SRGAP3: variants seen among roughly 807,000 people sequenced by gnomAD.
SRGAP3 encodes SLIT-ROBO Rho GTPase activating protein 3, also known as SLIT-ROBO Rho GTPase-activating protein 3.
SRGAP3 carries 39 observed loss-of-function variants against 121.1 expected under a neutral mutation model. The ratio of observed to expected loss-of-function variants is 0.32; its 90% confidence interval spans 0.25 to 0.42. The LOEUF (loss-of-function observed/expected upper bound fraction) is 0.42, where lower values mean the gene tolerates loss of function less well. Among genes scored for constraint, SRGAP3 ranks in the 10% least tolerant of loss-of-function variants. The probability of loss-of-function intolerance (pLI) is 1.00; values close to 1 mark genes in which losing one functional copy is unlikely to be tolerated. For synonymous variants in SRGAP3, 601 were observed against 570.0 expected, an observed-to-expected ratio of 1.05 and a Z score of -0.77; for missense variants, 1,213 against 1,470.6, an observed-to-expected ratio of 0.82 and a Z score of 2.86.
chr3:9,029,854 T>G (rs887051697), intron 12 of SRGAP3, among the ~76,000 whole-genome samples: 1 of 151,878 alleles, frequency 6.6e-6, no homozygotes, highest in Non-Finnish European at 1.5e-5. Flanking sequence ...AGCAACGCAA[T>G]AGTAAGGCCA....
At chr3:9,151,877 G>A (rs779918448) in intron 1 of SRGAP3, among the ~76,000 whole-genome samples, 30 of 152,188 alleles carry the variant, frequency 2.0e-4, no homozygotes, top group Non-Finnish European at 3.5e-4. Flanking sequence ...AGCAGGCAAC[G>A]GGAATCCAGT....
At chr3:9,001,582 T>A (rs76488944) in intron 18 of SRGAP3, among the ~76,000 whole-genome samples, 28 of 151,988 alleles carry the variant, frequency 1.8e-4, no homozygotes, top group African/African-American at 6.8e-4. Context: ...AATCCAACTA[T>A]ATAAGTGGTA....
chr3:9,324,280 A>G (rs1158636900), intron 3 of SRGAP3, among the ~76,000 whole-genome samples: 4 of 151,950 alleles, frequency 2.6e-5, no homozygotes, highest in African/African-American at 9.7e-5. Flanking sequence ...CTAAGGCCAC[A>G]TTTAGTTTGC....
chr3:9,078,221 G>A (rs1947064918), intron 4 of SRGAP3, among the ~76,000 whole-genome samples: 1 of 152,126 alleles, frequency 6.6e-6, no homozygotes, highest in South Asian at 2.1e-4. Context: ...GAGGAGCCCC[G>A]CTGGAGGTCA....
intron 3 of SRGAP3, among the ~76,000 whole-genome samples, chr3:9,087,905 T>C (rs1393631800): frequency 1.3e-5 from 2 of 152,110 alleles, no homozygotes; most frequent in Non-Finnish European, 2.9e-5. Context: ...AGCCCAGGCC[T>C]CTCTGCTCAC....
At chr3:9,199,117 T>C (rs1951995186) in intron 1 of SRGAP3, among the ~76,000 whole-genome samples, 1 of 152,206 alleles carries the variant, frequency 6.6e-6, no homozygotes. Flanking sequence ...ACCTCTCAGC[T>C]GCTAAAAGCC....
chr3:9,279,636 C>A (rs537035711), intron 3 of SRGAP3, among the ~76,000 whole-genome samples: 143 of 151,720 alleles, frequency 9.4e-4, no homozygotes, highest in African/African-American at 3.2e-3. Flanking sequence ...GCCTCAGCCT[C>A]CCGAGTACCT....
intron 1 of SRGAP3, among the ~76,000 whole-genome samples, chr3:9,362,141 G>A (rs1399574635): frequency 3.3e-5 from 5 of 149,338 alleles, no homozygotes; most frequent in African/African-American, 9.9e-5. Flanking sequence ...CTGTCAAAAT[G>A]GCTACCATGC....
At chr3:9,344,429 T>C (rs548115120) in intron 1 of SRGAP3, among the ~76,000 whole-genome samples, 1 of 152,216 alleles carries the variant, frequency 6.6e-6, no homozygotes, top group African/African-American at 2.4e-5. Flanking sequence ...GACTCTAGCC[T>C]GGGCAACAGA....
chr3:9,022,170 T>C (rs1943956062), intron 14 of SRGAP3, among the ~76,000 whole-genome samples: 1 of 151,864 alleles, frequency 6.6e-6, no homozygotes, highest in Admixed American at 6.6e-5. Flanking sequence ...CTACCAAAAA[T>C]GTAAAAAATT....
intron 5 of SRGAP3, among the ~76,000 whole-genome samples, chr3:9,062,958 A>G (rs559956532): frequency 5.9e-5 from 9 of 152,274 alleles, no homozygotes; most frequent in African/African-American, 2.2e-4. Flanking sequence ...AAGTGATAGA[A>G]TCACTGTACA....
chr3:9,336,987 C>G (rs1200043548), intron 1 of SRGAP3, among the ~76,000 whole-genome samples: 1 of 152,142 alleles, frequency 6.6e-6, no homozygotes, highest in South Asian at 2.1e-4. Flanking sequence ...CCACCTTTCA[C>G]TCCCAAGGTG....
At chr3:9,091,498 C>A (rs1168744087) in intron 3 of SRGAP3, among the ~76,000 whole-genome samples, 1 of 152,154 alleles carries the variant, frequency 6.6e-6, no homozygotes, top group African/African-American at 2.4e-5. Flanking sequence ...AAACTTGAGA[C>A]CCACAGATGT....
chr3:9,080,971 G>A (rs1947217108), intron 3 of SRGAP3, among the ~76,000 whole-genome samples: 1 of 152,078 alleles, frequency 6.6e-6, no homozygotes, highest in South Asian at 2.1e-4. Flanking sequence ...TAAATATAAT[G>A]TGCTTCAATC....
At chr3:8,989,207 G>A (rs1448540371) in intron 21 of SRGAP3, among the ~76,000 whole-genome samples, 1 of 152,228 alleles carries the variant, frequency 6.6e-6, no homozygotes, top group East Asian at 1.9e-4. Flanking sequence ...CAGGCCTCAG[G>A]CCATCCTCTA....
intron 1 of SRGAP3, among the ~76,000 whole-genome samples, chr3:9,245,587 C>A (rs1291526803): frequency 3.9e-5 from 6 of 152,106 alleles, no homozygotes; most frequent in Non-Finnish European, 7.4e-5. Context: ...AACTATAGAA[C>A]CAATAAGTAG....
intron 1 of SRGAP3, among the ~76,000 whole-genome samples, chr3:9,222,019 C>T (rs1952831260): frequency 6.6e-6 from 1 of 152,210 alleles, no homozygotes; most frequent in African/African-American, 2.4e-5. Context: ...GCCCCATCCA[C>T]AGGAGTAGGG....
At chr3:9,135,997 T>C (rs997479538) in intron 1 of SRGAP3, among the ~76,000 whole-genome samples, 3 of 152,208 alleles carry the variant, frequency 2.0e-5, no homozygotes, top group Non-Finnish European at 4.4e-5. Flanking sequence ...GCGGCTGCTG[T>C]AGTCATGGAC....
chr3:9,026,345 G>C (rs1294122409), intron 13 of SRGAP3, among the ~76,000 whole-genome samples: 1 of 152,168 alleles, frequency 6.6e-6, no homozygotes, highest in East Asian at 1.9e-4. Context: ...GGAAGTGTAA[G>C]CTATGCAGGG....
Sources: allele counts gnomAD v4.1 joint callset (sites outside exome capture counted in the v4.1 genomes callset), GRCh38; gene constraint gnomAD v4.1.1; transcripts MANE v1.5; gene names NCBI Gene and HGNC (gene_info 2026-07-23, HGNC 2026-07-21).